TTC28: variants seen among roughly 807,000 people sequenced by gnomAD.
The protein encoded by TTC28 is tetratricopeptide repeat domain 28, also known as tetratricopeptide repeat protein 28.
TTC28 carries 61 observed loss-of-function variants against 198.0 expected under a neutral mutation model. That is an observed-to-expected ratio of 0.31 (90% CI 0.25 to 0.38). TTC28 has a LOEUF of 0.38. Among genes scored for constraint, TTC28 ranks in the 10% least tolerant of loss-of-function variants. TTC28 has a pLI of 1.00. For synonymous variants in TTC28, 1,171 were observed against 1,297.8 expected, an observed-to-expected ratio of 0.90 and a Z score of 2.10; for missense variants, 2,678 against 3,164.0, an observed-to-expected ratio of 0.85 and a Z score of 3.69.
chr22:28,417,649 G>A (rs1210101683), intron 2 of TTC28, among the ~76,000 whole-genome samples: 11 of 152,108 alleles, frequency 7.2e-5, no homozygotes, highest in African/African-American at 2.4e-4. Flanking sequence ...TATTACCAAG[G>A]CATATGCACA....
At chr22:28,475,682 C>T (rs2048154201) in intron 2 of TTC28, among the ~76,000 whole-genome samples, 2 of 152,048 alleles carry the variant, frequency 1.3e-5, no homozygotes, top group South Asian at 4.2e-4. Context: ...TAAGGCAATG[C>T]CAATCAGATA....
At position 28,051,506 on chromosome 22, in the gene TTC28, C is replaced by T. The variant is rs544437751; in HGVS notation, c.3933-21140G>A. Among the ~76,000 whole-genome samples the T allele has an allele frequency of 4.6e-5, 7 of 152,242 alleles. No individual in the cohort carries two copies. The East Asian group carries it at 1.2e-3, about 25-fold the overall frequency. ...TTCTCTCAGCAAAGAATATTTCCTT[C>T]TCTCTCTAATTGGATTTCTACAAGG... On this transcript the variant is annotated intron_variant, in intron 12 of 22. Transcript: ENST00000397906.
At chr22:28,057,629 A>AT (rs917785851) in intron 12 of TTC28, among the ~76,000 whole-genome samples, 3 of 151,822 alleles carry the variant, frequency 2.0e-5, no homozygotes, top group East Asian at 1.9e-4. Flanking sequence ...CTAATTTATA[A>AT]TTTTTTTTCT....
chr22:28,325,918 G>T (rs2045523135), intron 2 of TTC28, among the ~76,000 whole-genome samples: 1 of 152,026 alleles, frequency 6.6e-6, no homozygotes, highest in African/African-American at 2.4e-5. Flanking sequence ...TCTAGAAAAT[G>T]GTTTGGCAGT....
chr22:28,075,550 T>C (rs1296537292), intron 12 of TTC28, among the ~76,000 whole-genome samples: 1 of 152,122 alleles, frequency 6.6e-6, no homozygotes, highest in African/African-American at 2.4e-5. Flanking sequence ...GAGCCCAACT[T>C]TGGATCTTAC....
intron 2 of TTC28, among the ~76,000 whole-genome samples, chr22:28,364,407 A>G (rs984422358): frequency 1.3e-5 from 2 of 152,184 alleles, no homozygotes; most frequent in East Asian, 3.8e-4. Flanking sequence ...AGTCTCAGGT[A>G]TATCTTTATC....
chr22:28,427,206 T>C (rs1251252042), intron 2 of TTC28, among the ~76,000 whole-genome samples: 1 of 152,240 alleles, frequency 6.6e-6, no homozygotes, highest in Non-Finnish European at 1.5e-5. Flanking sequence ...TATGTCACAT[T>C]TTAGTAACAT....
intron 1 of TTC28, among the ~76,000 whole-genome samples, chr22:28,632,126 T>C (rs2051182801): frequency 6.6e-6 from 1 of 151,998 alleles, no homozygotes; most frequent in Non-Finnish European, 1.5e-5. Context: ...GAAAGGCAGA[T>C]CTAATCACAC....
intron 6 of TTC28, among the ~76,000 whole-genome samples, chr22:28,124,981 T>A (rs1266677931): frequency 2.0e-5 from 3 of 152,228 alleles, no homozygotes; most frequent in Non-Finnish European, 4.4e-5. Flanking sequence ...CTAGCTTTCT[T>A]CTGTGTTCTT....
In TTC28 at chr22:28,679,096, A is replaced by T. The variant is rs372469382; in HGVS notation, c.102+526T>A. On this transcript the variant is annotated intron_variant, in intron 1 of 22. Transcript: ENST00000397906. ...GACTAGTGGCCCAAACACAGCACGA[A>T]GCTGAGGTGGGTGGAACGCTTTTCA... is the stretch of plus-strand genomic sequence containing the variant. Among the ~76,000 whole-genome samples, 15 of 152,312 alleles carry T rather than the reference A, an allele frequency of 9.8e-5. No individual in the cohort carries two copies. The East Asian group carries it at 2.3e-3, about 24-fold the overall frequency.
intron 2 of TTC28, among the ~76,000 whole-genome samples, chr22:28,317,947 A>G (rs1392117111): frequency 6.6e-6 from 1 of 152,094 alleles, no homozygotes; most frequent in Admixed American, 6.6e-5. Context: ...TCTGTCACCC[A>G]GGCTGGAGCA....
chr22:28,495,559 C>A (rs559751661), intron 2 of TTC28, among the ~76,000 whole-genome samples: 10 of 152,196 alleles, frequency 6.6e-5, no homozygotes, highest in African/African-American at 2.4e-4. Context: ...TCATTTCTCA[C>A]AAAACTGCTA....
chr22:28,453,559 G>T (rs1464400839), intron 2 of TTC28, among the ~76,000 whole-genome samples: 2 of 152,058 alleles, frequency 1.3e-5, no homozygotes, highest in Non-Finnish European at 2.9e-5. Context: ...TCAGTTAATG[G>T]CATCTCTATT....
At position 28,277,010 on chromosome 22, in the gene TTC28, T is replaced by C. The variant is rs187040855; in HGVS notation, c.933+19188A>G. On this transcript the variant is annotated intron_variant, in intron 5 of 22. Transcript: ENST00000397906. ...GTTAAAAAGTAAAATTTAGACTCAA[T>C]TACCACAAATTCTAACTAAAATCAG... Among the ~76,000 whole-genome samples the C allele has an allele frequency of 8.9e-4, 135 of 152,248 alleles. 1 individual carries two copies. The highest frequency in any genetic ancestry group is 3.1e-3 in the African/African-American group (128 of 41,578).
At chr22:28,021,510 G>C (rs1468283821) in intron 13 of TTC28, among the ~76,000 whole-genome samples, 1 of 152,118 alleles carries the variant, frequency 6.6e-6, no homozygotes. Context: ...CATGGGCTAA[G>C]TGCCTCCTTG....
chr22:28,641,677 T>A (rs1309949912), intron 1 of TTC28, among the ~76,000 whole-genome samples: 4 of 151,880 alleles, frequency 2.6e-5, no homozygotes, highest in Non-Finnish European at 5.9e-5. Context: ...TGCATCTCAA[T>A]TAAAGAAATG....
In TTC28 at chr22:28,108,393, G is replaced by C; in HGVS notation, c.1452C>G (p.His484Gln). ...GRASSNLGII[H>Q]QMKGDYDTAL... is the part of the protein sequence containing the mutation. ...CAGTGTCATAATCACCTTTCATCTG[G>C]TGTATGATTCCTGAGAAAGAGAATA... Residue 484 changes from histidine (H) to glutamine (Q), a missense_variant, in exon 7 of 23, where the codon CAC (histidine) becomes CAG (glutamine). His to Gln is a conservative substitution (Grantham distance 24, BLOSUM62 0). Coordinates refer to ENST00000397906, the MANE Select transcript of TTC28 (RefSeq NM_001145418.2). 6.9e-7 allele frequency: 1 copy of C among 1,443,562 alleles called. No individual in the cohort carries two copies. The highest frequency in any genetic ancestry group is 1.5e-5 in the South Asian group (1 of 66,230). 89.4% of individuals were successfully genotyped at this position (1,443,562 alleles called of 1,614,324 possible).
At chr22:28,193,183 C>T (rs1462795286) in intron 5 of TTC28, among the ~76,000 whole-genome samples, 1 of 152,142 alleles carries the variant, frequency 6.6e-6, no homozygotes, top group Non-Finnish European at 1.5e-5. Flanking sequence ...TCCAGCCAAA[C>T]TAAGCTTCAT....
chr22:28,595,242 G>C (rs1337202232), intron 2 of TTC28, among the ~76,000 whole-genome samples: 1 of 151,980 alleles, frequency 6.6e-6, no homozygotes, highest in East Asian at 1.9e-4. Context: ...ACATTCTTGA[G>C]GGCAATATTA....
Sources: gnomAD v4.1 joint callset for allele counts (sites outside exome capture counted in the v4.1 genomes callset) on GRCh38, gnomAD v4.1.1 for gene constraint, MANE v1.5 for transcripts, NCBI Gene and HGNC (gene_info 2026-07-23, HGNC 2026-07-21) for gene names.